The following SKAP1 variants were observed in gnomAD, a reference collection of about 807,000 sequenced individuals.
SKAP1 encodes src kinase associated phosphoprotein 1, also known as src kinase-associated phosphoprotein 1.
A neutral mutation model predicts 58.5 loss-of-function variants in SKAP1; 44 were observed. The observed-to-expected ratio is 0.75, with a 90% CI of 0.59 to 0.97. The LOEUF is 0.97. Among genes scored for constraint, SKAP1 ranks in the 50% least tolerant of loss-of-function variants. SKAP1 has a pLI of 0.00. For missense variants in SKAP1, 390 were observed against 435.2 expected (o/e 0.90, Z 0.92); for synonymous variants, 127 against 149.7 (o/e 0.85, Z 1.11).
In SKAP1 at chr17:48,231,608, G is replaced by C. The variant is rs184407690; in HGVS notation, c.281-42108C>G. On this transcript the variant is annotated intron_variant, in intron 4 of 12. Coordinates refer to ENST00000336915, the MANE Select transcript of SKAP1 (RefSeq NM_003726.4). ...TTCTAACTGTCCTGAAATATTTGAA[G>C]GGTTGTCCCATAGAAATAGGGAGTA... 2.7e-3 allele frequency among the ~76,000 whole-genome samples: 404 copies of C among 152,178 alleles called. 1 individual carries two copies. Among genetic ancestry groups the C allele is most frequent in the African/African-American group, 9.1e-3 (378 of 41,514 alleles).
intron 4 of SKAP1, among the ~76,000 whole-genome samples, chr17:48,319,129 T>C (rs1049592848): frequency 1.3e-5 from 2 of 151,902 alleles, no homozygotes; most frequent in African/African-American, 4.8e-5. Context: ...TGATCAGGAG[T>C]ATGAAACTGG....
At position 48,365,622 on chromosome 17, in the gene SKAP1, T is replaced by C. The variant is rs530230888; in HGVS notation, c.153-1808A>G. 1.8e-4 allele frequency among the ~76,000 whole-genome samples: 28 copies of C among 152,310 alleles called. 1 individual carries two copies. Among genetic ancestry groups the C allele is most frequent in the African/African-American group, 1.4e-4 (6 of 41,572 alleles). On this transcript the variant is annotated intron_variant, in intron 2 of 12. Coordinates refer to ENST00000336915, the MANE Select transcript of SKAP1 (RefSeq NM_003726.4). ...CACTGTCTACACTTGGCTCATTTTA[T>C]TCCCTCACTGCCCACTCACTCAACA...
At chr17:48,287,182 T>C (rs2065841945) in intron 4 of SKAP1, among the ~76,000 whole-genome samples, 1 of 152,056 alleles carries the variant, frequency 6.6e-6, no homozygotes, top group East Asian at 1.9e-4. Flanking sequence ...CAAAGTTATT[T>C]GGCAAATTGT....
chr17:48,189,404 C>G lies in SKAP1; in HGVS notation c.358+19G>C. 1 of 1,592,146 alleles carries G rather than the reference C, an allele frequency of 6.3e-7. No individual in the cohort carries two copies. Among genetic ancestry groups the G allele is most frequent in the Non-Finnish European group, 8.6e-7 (1 of 1,165,530 alleles). On this transcript the variant is annotated intron_variant, in intron 5 of 12. Transcript: ENST00000336915. Reference sequence around the variant, plus strand: ...TTCCCTTCCTGGAATGTTCTGAAATCTGTGGGTCTGACCAATACCTTTGCT... The same window carrying G: ...TTCCCTTCCTGGAATGTTCTGAAATGTGTGGGTCTGACCAATACCTTTGCT...
At chr17:48,359,282 T>C (rs1485591119) in intron 3 of SKAP1, among the ~76,000 whole-genome samples, 1 of 152,186 alleles carries the variant, frequency 6.6e-6, no homozygotes, top group African/African-American at 2.4e-5. Context: ...TCTCCCATAT[T>C]ATTTGTCAGA....
Position 48,396,668 on chromosome 17 carries a change from G to A in SKAP1, c.152+12C>T. 6.4e-7 allele frequency: 1 copy of A among 1,559,754 alleles called. No homozygotes were observed. Among genetic ancestry groups the A allele is most frequent in the Non-Finnish European group, 8.8e-7 (1 of 1,133,432 alleles). ...CTTATGAAGAAGATTAATGGAACCAGTTTATACAAACCTGGCTTTGATTTG... is the reference window on the plus strand; with the variant it reads ...CTTATGAAGAAGATTAATGGAACCAATTTATACAAACCTGGCTTTGATTTG... On this transcript the variant is annotated intron_variant, in intron 2 of 12. Transcript: ENST00000336915.
At chr17:48,367,995 T>C (rs1455248725) in intron 2 of SKAP1, among the ~76,000 whole-genome samples, 1 of 152,178 alleles carries the variant, frequency 6.6e-6, no homozygotes, top group Non-Finnish European at 1.5e-5. Context: ...GAATGTTAGT[T>C]CCCTTCTTTT....
At position 48,378,998 on chromosome 17, in the gene SKAP1, C is replaced by T. The variant is rs192785516; in HGVS notation, c.153-15184G>A. On this transcript the variant is annotated intron_variant, in intron 2 of 12. Transcript: ENST00000336915. ...TGGATTTTATTCCAAAAAGGTGGGG[C>T]TGGGGTGCCTTCATTTTCCTCTAAA... 4.6e-5 allele frequency among the ~76,000 whole-genome samples: 7 copies of T among 152,100 alleles called. No homozygotes were observed. In the East Asian group the frequency reaches 1.4e-3, roughly 29 times the overall value.
chr17:48,277,443 T>C (rs780754113), intron 4 of SKAP1, among the ~76,000 whole-genome samples: 14 of 152,364 alleles, frequency 9.2e-5, no homozygotes, highest in Middle Eastern at 6.8e-3. Flanking sequence ...GATTAATATA[T>C]GGAGCATTCC....
At chr17:48,256,762 T>C (rs1567840850) in intron 4 of SKAP1, among the ~76,000 whole-genome samples, 1 of 152,132 alleles carries the variant, frequency 6.6e-6, no homozygotes, top group South Asian at 2.1e-4. Flanking sequence ...CCTTTGGCAA[T>C]TGAAGGTAAG....
intron 2 of SKAP1, chr17:48,380,053 G>C (rs1163927699): frequency 6.6e-6 from 1 of 152,158 alleles, no homozygotes; most frequent in Non-Finnish European, 1.5e-5. Context: ...AATTATCCAA[G>C]CCATAAAAAA....
chr17:48,186,290 T>C (rs1419968650), intron 6 of SKAP1, among the ~76,000 whole-genome samples: 1 of 152,046 alleles, frequency 6.6e-6, no homozygotes, highest in African/African-American at 2.4e-5. Flanking sequence ...TATGCTGTTA[T>C]CCTTCCCAAA....
chr17:48,142,259 C>T (rs568160811), intron 11 of SKAP1, among the ~76,000 whole-genome samples: 8 of 152,182 alleles, frequency 5.3e-5, no homozygotes, highest in African/African-American at 1.4e-4. Flanking sequence ...GTCAGGAGTT[C>T]GACACCAGCC....
At chr17:48,388,227 A>C (rs1319802051) in intron 2 of SKAP1, among the ~76,000 whole-genome samples, 1 of 152,094 alleles carries the variant, frequency 6.6e-6, no homozygotes, top group Non-Finnish European at 1.5e-5. Flanking sequence ...TGAGGTCAGG[A>C]GTTTGAGACC....
rs375243582 is a variant in SKAP1 at position 48,228,649 on chromosome 17, G to T, written c.281-39149C>A. 5.3e-5 allele frequency among the ~76,000 whole-genome samples: 8 copies of T among 152,264 alleles called. No homozygotes were observed. In the South Asian group the frequency reaches 1.7e-3, roughly 32 times the overall value. On this transcript the variant is annotated intron_variant, in intron 4 of 12. Coordinates refer to ENST00000336915, the MANE Select transcript of SKAP1 (RefSeq NM_003726.4). ...GCTTTACATGTATCAACTCATTCAG[G>T]TTTCAAAACAACCTTATGATGTAGG... is the stretch of plus-strand genomic sequence containing the variant.
intron 1 of SKAP1, among the ~76,000 whole-genome samples, chr17:48,407,855 A>AG (rs34328616): frequency 0.058 from 4,315 of 73,920 alleles, 227 homozygotes; most frequent in African/African-American, 0.22. Context: ...CTTTGTCTCC[A>AG]AAAAAAAAAA....
At chr17:48,354,079 T>C (rs999953295) in intron 3 of SKAP1, among the ~76,000 whole-genome samples, 1 of 152,164 alleles carries the variant, frequency 6.6e-6, no homozygotes, top group African/African-American at 2.4e-5. Flanking sequence ...GAATGGATTA[T>C]GGGTAAGATT....
intron 12 of SKAP1, chr17:48,136,605 C>T (rs2063701427): frequency 6.6e-6 from 1 of 152,078 alleles, no homozygotes; most frequent in Non-Finnish European, 1.5e-5. Flanking sequence ...AGAAAAGGTA[C>T]CTGGGACTGG....
intron 11 of SKAP1, among the ~76,000 whole-genome samples, chr17:48,158,860 T>C (rs2064028512): frequency 6.6e-6 from 1 of 150,414 alleles, no homozygotes; most frequent in Admixed American, 6.6e-5. Flanking sequence ...CTCGGGAGGC[T>C]GAGGCAAAAG....
Sources: allele counts gnomAD v4.1 joint callset (sites outside exome capture counted in the v4.1 genomes callset), GRCh38; gene constraint gnomAD v4.1.1; transcripts MANE v1.5; gene names NCBI Gene and HGNC (gene_info 2026-07-23, HGNC 2026-07-21).